The following DICER1 variants were observed in gnomAD, a reference collection of about 807,000 sequenced individuals.
The protein encoded by DICER1 is endoribonuclease Dicer.
Under a neutral mutation model 194.1 loss-of-function variants are expected in DICER1, and 43 were observed. The observed-to-expected ratio is 0.22, with a 90% CI of 0.17 to 0.29. DICER1 has a LOEUF of 0.29. Among genes scored for constraint, DICER1 ranks in the 10% least tolerant of loss-of-function variants. The pLI is 1.00. For missense variants in DICER1, 1,608 were observed against 2,317.0 expected (o/e 0.69, Z 6.28); for synonymous variants, 832 against 820.5 (o/e 1.01, Z -0.24).
intron 8 of DICER1, among the ~76,000 whole-genome samples, chr14:95,118,163 C>T (rs1241688755): frequency 6.6e-6 from 1 of 152,136 alleles, no homozygotes; most frequent in Non-Finnish European, 1.5e-5. Flanking sequence ...GTTCTACTAG[C>T]TCATCTCTCA....
At chr14:95,095,529 A>T (rs1890229734) in intron 23 of DICER1, 1 of 409,756 alleles carries the variant, frequency 2.4e-6, no homozygotes, top group African/African-American at 2.0e-5. Context: ...GGAGGATAAA[A>T]TGGGGAAAAC....
At chr14:95,141,581 T>C (rs144156589) in intron 1 of DICER1, 1 of 152,208 alleles carries the variant, frequency 6.6e-6, no homozygotes, top group Non-Finnish European at 1.5e-5. Context: ...GACATTCTCA[T>C]GGAGGTTAAA....
intron 1 of DICER1, among the ~76,000 whole-genome samples, chr14:95,139,345 C>T (rs1345033589): frequency 6.6e-6 from 1 of 152,224 alleles, no homozygotes; most frequent in Non-Finnish European, 1.5e-5. Flanking sequence ...ATATCTTACC[C>T]TTACCTGTAT....
Position 95,093,972 on chromosome 14 carries a change from A to C in DICER1, c.5280T>G (p.Ala1760=). Residue 1760 remains alanine, a synonymous_variant, in exon 24 of 27, where the codon GCT becomes GCG. Transcript: ENST00000343455. ...TGACATGGAAGAGCTCAGGAGAGAC[A>C]GCTTTGAAGTACTTGTGGTAGTCGT... ...VKYDYHKYFK[A]VSPELFHVID... 1.2e-6 allele frequency: 2 copies of C among 1,614,168 alleles called. No homozygotes were observed. The highest frequency in any genetic ancestry group is 1.7e-6 in the Non-Finnish European group (2 of 1,180,042).
intron 10 of DICER1, 94 bp from the exon 11 acceptor site, chr14:95,115,915 A>G: frequency 1.6e-6 from 2 of 1,257,472 alleles, no homozygotes; most frequent in Non-Finnish European, 2.3e-6. Context: ...TCTCCTGAAA[A>G]TATCTCTCTC....
At chr14:95,153,199 G>A (rs1033530985) in intron 1 of DICER1, among the ~76,000 whole-genome samples, 4 of 147,872 alleles carry the variant, frequency 2.7e-5, no homozygotes, top group South Asian at 4.3e-4. Flanking sequence ...CCTGGGCAAC[G>A]TAGTGAGACT....
chr14:95,140,135 A>G (rs1004057922), intron 1 of DICER1, among the ~76,000 whole-genome samples: 11 of 152,190 alleles, frequency 7.2e-5, no homozygotes, highest in Non-Finnish European at 1.6e-4. Flanking sequence ...AAATAACTCC[A>G]CATGACTGTT....
chr14:95,151,020 T>C (rs1387453530), intron 1 of DICER1, among the ~76,000 whole-genome samples: 2 of 152,194 alleles, frequency 1.3e-5, no homozygotes, highest in Non-Finnish European at 2.9e-5. Flanking sequence ...TGAGCCACTG[T>C]GCCCAGCTGA....
At chr14:95,117,547 A>G (rs1892582705) in intron 9 of DICER1, 75 bp downstream of exon 9, 2 of 1,471,690 alleles carry the variant, frequency 1.4e-6, no homozygotes, top group Non-Finnish European at 1.9e-6. Flanking sequence ...CTATGAAAAA[A>G]GGGAGACCCT....
chr14:95,123,811 ACTTGGTGT>A (rs1397667542), intron 8 of DICER1, among the ~76,000 whole-genome samples: 1 of 152,254 alleles, frequency 6.6e-6, no homozygotes, highest in African/African-American at 2.4e-5. Context: ...TGAGGGGAAC[ACTTGGTGT>A]GAAATGCTTA....
chr14:95,128,203 T>C (rs985504525), intron 6 of DICER1, among the ~76,000 whole-genome samples: 20 of 152,228 alleles, frequency 1.3e-4, no homozygotes, highest in African/African-American at 4.3e-4. Flanking sequence ...AAAACATATA[T>C]ACTATAGTTC....
At chr14:95,126,278 G>C (rs528261764) in intron 7 of DICER1, among the ~76,000 whole-genome samples, 52 of 152,240 alleles carry the variant, frequency 3.4e-4, no homozygotes, top group African/African-American at 1.1e-3. Flanking sequence ...GGTTTGAACA[G>C]GAACTAACTC....
chr14:95,135,847 T>C (rs958408384), intron 1 of DICER1, among the ~76,000 whole-genome samples: 1 of 152,252 alleles, frequency 6.6e-6, no homozygotes, highest in Non-Finnish European at 1.5e-5. Flanking sequence ...TTTTGGCTAT[T>C]ATGAATAATG....
intron 8 of DICER1, 134 bp from the exon 9 acceptor site, chr14:95,117,888 T>C (rs1892623130): frequency 7.6e-6 from 6 of 789,300 alleles, no homozygotes; most frequent in East Asian, 2.7e-5. Flanking sequence ...TGGTCCTTTT[T>C]TCCCAACTTG....
At position 95,105,327 on chromosome 14, in the gene DICER1, G is replaced by A; in HGVS notation, c.3094-81C>T. 7.9e-7 allele frequency: 1 copy of A among 1,273,366 alleles called. No individual in the cohort carries two copies. The highest frequency in any genetic ancestry group is 1.5e-5 in the African/African-American group (1 of 67,342). The allele number at this position is 1,273,366 out of a possible 1,614,324, so 78.9% of individuals were successfully genotyped here. On this transcript the variant is annotated intron_variant, in intron 19 of 26. Coordinates refer to ENST00000343455, the MANE Select transcript of DICER1 (RefSeq NM_177438.3). This position sits in a 1 kb window ranked among gnomAD's most constrained non-coding sequence, Gnocchi z 4.9. ...AAAAAAAAGACCAATTTCACTAATG[G>A]ATAAAGAAAATCATAAATGCTAGTA... is the stretch of plus-strand genomic sequence containing the variant.
rs1891655325 is a variant in DICER1 at position 95,108,424 on chromosome 14, G to A, written c.2336C>T (p.Thr779Ile). The A allele has an allele frequency of 6.2e-7, 1 of 1,614,020 alleles. No homozygotes were observed. The highest frequency in any genetic ancestry group is 8.5e-7 in the Non-Finnish European group (1 of 1,179,906). The change falls in exon 15 of 27, where the codon ACA (threonine) becomes ATA (isoleucine). Residue 779 changes from threonine to isoleucine, a missense_variant. Physicochemically the swap from Thr to Ile is moderately conservative, Grantham distance 89. Coordinates refer to ENST00000343455, the MANE Select transcript of DICER1 (RefSeq NM_177438.3). The stretch of plus-strand genomic sequence containing the variant: ...AAAGTTGAGTTCATCAGGTAAAGGT[G>A]TAGTTAAAACCATTCCTATCACATA... ...YLYVIGMVLT[T>I]PLPDELNFRR... is the part of the protein sequence containing the mutation.
intron 13 of DICER1, 121 bp downstream of exon 13, chr14:95,112,051 T>C (rs1206655352): frequency 2.4e-6 from 2 of 838,466 alleles, no homozygotes; most frequent in Non-Finnish European, 4.1e-6. Context: ...CAAAGCACAT[T>C]AAGATCAGCA....
rs932113852 is a variant in DICER1, at chr14:95,132,639, G to T, written c.183C>A (p.Ile61=). Residue 61 remains isoleucine, a synonymous_variant, in exon 3 of 27, where the codon ATC becomes ATA. Coordinates refer to ENST00000343455, the MANE Select transcript of DICER1 (RefSeq NM_177438.3). ...TCCCTGAGCCAGTGTTTAAACAGAC[G>T]ATGGTATTATGATCCAGAGCTGCTT... ...LLEAALDHNT[I]VCLNTGSGKT... 1 of 1,613,900 alleles carries T rather than the reference G, an allele frequency of 6.2e-7. No individual in the cohort carries two copies. The highest frequency in any genetic ancestry group is 8.5e-7 in the Non-Finnish European group (1 of 1,179,894).
chr14:95,151,190 T>TTTAA (rs1217444086), intron 1 of DICER1, among the ~76,000 whole-genome samples: 1 of 152,308 alleles, frequency 6.6e-6, no homozygotes, highest in Admixed American at 6.5e-5. Context: ...TTAAGAGACG[T>TTTAA]TTAAGGCACT....
Sources: gnomAD v4.1 joint callset for allele counts (sites outside exome capture counted in the v4.1 genomes callset) on GRCh38, gnomAD v4.1.1 for gene constraint, Gnocchi (gnomAD v3.1) non-coding constraint, MANE v1.5 for transcripts, NCBI Gene and HGNC (gene_info 2026-07-23, HGNC 2026-07-21) for gene names.